The following CD86 variants were observed in gnomAD, a reference collection of about 807,000 sequenced individuals.
The protein encoded by CD86 is T-lymphocyte activation antigen CD86.
In CD86, 11 loss-of-function variants were observed where a neutral mutation model predicts 32.1. The ratio of observed to expected loss-of-function variants is 0.34; its 90% CI spans 0.22 to 0.57. The LOEUF is 0.57. CD86 is among the 20% of genes least tolerant of loss of function. The pLI is 0.86. For missense variants in CD86, 359 were observed against 398.4 expected (o/e 0.90, Z 0.84); for synonymous variants, 137 against 135.3 (o/e 1.01, Z -0.09).
chr3:122,090,844 C>T (rs556206422), intron 1 of CD86, among the ~76,000 whole-genome samples: 2 of 152,264 alleles, frequency 1.3e-5, no homozygotes, highest in East Asian at 3.9e-4. Context: ...AAGTGAATTG[C>T]TCTCAAAGCG....
At chr3:122,068,708 T>C (rs1253113427) in intron 1 of CD86, among the ~76,000 whole-genome samples, 2 of 152,264 alleles carry the variant, frequency 1.3e-5, no homozygotes, top group African/African-American at 2.4e-5. Flanking sequence ...TAGAAATATG[T>C]TACATAGTTA....
chr3:122,119,712 C>G lies in CD86; in HGVS notation c.*178C>G, dbSNP rs960882861. ...TGTAACTCCAGCTCTGCTCCGTATG[C>G]CAAGAGGAGACTTTAATTCTCTTAC... On this transcript the variant is annotated 3_prime_UTR_variant, in exon 7 of 7. Transcript: ENST00000330540. 6 of 564,768 alleles carry G rather than the reference C, an allele frequency of 1.1e-5. No individual in the cohort carries two copies. Among genetic ancestry groups the G allele is most frequent in the Non-Finnish European group, 1.9e-5 (6 of 318,778 alleles). 35.0% of individuals were successfully genotyped at this position (564,768 alleles called of 1,614,324 possible).
chr3:122,055,578 TGC>T, intron 1 of CD86, 75 bp downstream of exon 1: 1 of 1,310,300 alleles, frequency 7.6e-7, no homozygotes. Context: ...TTGAAGATGG[TGC>T]TTTGATGTGT....
intron 5 of CD86, among the ~76,000 whole-genome samples, chr3:122,114,521 G>T (rs1199042108): frequency 6.6e-6 from 1 of 152,116 alleles, no homozygotes; most frequent in Admixed American, 6.5e-5. Context: ...CAGTGTCCAG[G>T]CCCCTCTGAA....
At chr3:122,082,357 G>T (rs2072646595) in intron 1 of CD86, among the ~76,000 whole-genome samples, 1 of 152,186 alleles carries the variant, frequency 6.6e-6, no homozygotes, top group Non-Finnish European at 1.5e-5. Flanking sequence ...CAGACACCCA[G>T]CATATACTTG....
At chr3:122,071,203 A>G (rs1307411369) in intron 1 of CD86, among the ~76,000 whole-genome samples, 2 of 152,172 alleles carry the variant, frequency 1.3e-5, no homozygotes, top group African/African-American at 4.8e-5. Context: ...TGACAAATAC[A>G]CAATGTCATG....
intron 1 of CD86, among the ~76,000 whole-genome samples, chr3:122,082,407 A>G (rs2072647146): frequency 6.6e-6 from 1 of 152,162 alleles, no homozygotes; most frequent in Non-Finnish European, 1.5e-5. Context: ...TAGTCCTTTT[A>G]GTTGTTCTTC....
At chr3:122,111,018 T>A (rs1325830848) in intron 5 of CD86, among the ~76,000 whole-genome samples, 1 of 152,170 alleles carries the variant, frequency 6.6e-6, no homozygotes, top group Non-Finnish European at 1.5e-5. Flanking sequence ...AGGATATGTG[T>A]GTTCACATGA....
chr3:122,082,140 T>C (rs1479907104), intron 1 of CD86, among the ~76,000 whole-genome samples: 1 of 152,236 alleles, frequency 6.6e-6, no homozygotes, highest in African/African-American at 2.4e-5. Context: ...TCTTCTGTGT[T>C]ATCACCCCCA....
At chr3:122,077,524 T>A (rs1361418136) in intron 1 of CD86, among the ~76,000 whole-genome samples, 2 of 124,764 alleles carry the variant, frequency 1.6e-5, no homozygotes, top group Non-Finnish European at 3.7e-5. Flanking sequence ...CTGCCCTCAC[T>A]CATTGAAGGC....
intron 1 of CD86, among the ~76,000 whole-genome samples, chr3:122,074,389 A>G (rs554391676): frequency 6.6e-6 from 1 of 152,330 alleles, no homozygotes; most frequent in Admixed American, 6.5e-5. Flanking sequence ...TGAACCTTTG[A>G]ACTTGTATCT....
intron 1 of CD86, among the ~76,000 whole-genome samples, chr3:122,080,558 T>A (rs1394059920): frequency 2.0e-5 from 3 of 152,204 alleles, no homozygotes. Flanking sequence ...CTTCTAAATC[T>A]GCGAAGACAT....
In CD86 at chr3:122,119,623, C is replaced by T. The variant is rs2073312720; in HGVS notation, c.*89C>T. 1 of 794,176 alleles carries T rather than the reference C, an allele frequency of 1.3e-6. No individual in the cohort carries two copies. Among genetic ancestry groups the T allele is most frequent in the African/African-American group, 1.7e-5 (1 of 57,422 alleles). The allele number at this position is 794,176 out of a possible 1,614,324, so 49.2% of individuals were successfully genotyped here. On this transcript the variant is annotated 3_prime_UTR_variant, in exon 7 of 7. Coordinates refer to ENST00000330540, the MANE Select transcript of CD86 (RefSeq NM_175862.5). ...AACCTTTTTGATTTCTTCCAGAAGG[C>T]AAAAAGACATTACCATGAGTAATAA...
intron 1 of CD86, among the ~76,000 whole-genome samples, chr3:122,078,609 A>T (rs1197494451): frequency 6.6e-6 from 1 of 152,204 alleles, no homozygotes; most frequent in Admixed American, 6.5e-5. Context: ...AGAGACCAAG[A>T]TCTAATTTAA....
Position 122,055,421 on chromosome 3 carries a change from G to C in CD86, c.-69G>C. Reference sequence around the variant, plus strand: ...GCTTTGCTTCTCTGCTGCTGTAACAGGGACTAGCACAGACACACGGATGAG... The same window carrying C: ...GCTTTGCTTCTCTGCTGCTGTAACACGGACTAGCACAGACACACGGATGAG... On this transcript the variant is annotated 5_prime_UTR_variant, in exon 1 of 7. Coordinates refer to ENST00000330540, the MANE Select transcript of CD86 (RefSeq NM_175862.5). 2.0e-6 allele frequency: 3 copies of C among 1,503,302 alleles called. No homozygotes were observed. Among genetic ancestry groups the C allele is most frequent in the Non-Finnish European group, 2.8e-6 (3 of 1,079,724 alleles). 93.1% of individuals were successfully genotyped at this position (1,503,302 alleles called of 1,614,324 possible).
intron 2 of CD86, among the ~76,000 whole-genome samples, chr3:122,098,312 A>C (rs182825506): frequency 3.9e-5 from 6 of 152,320 alleles, no homozygotes; most frequent in African/African-American, 1.4e-4. Context: ...ACCTACATGA[A>C]GTGAAGGAGA....
chr3:122,066,289 G>A (rs1183473790), intron 1 of CD86, among the ~76,000 whole-genome samples: 1 of 152,138 alleles, frequency 6.6e-6, no homozygotes. Flanking sequence ...CTGAGGGTAA[G>A]GAATACGAGA....
rs769868417 is a variant in CD86, at chr3:122,115,740, C to CAAAAAAAAAAA, written c.848-2291_848-2281dup. On this transcript the variant is annotated intron_variant, in intron 5 of 6. Transcript: ENST00000330540. ...GGGCAACAAGAGTGAAACTCCCTCTCAAAAAAAAAAAAAAAAAAAAAAAAA... is the reference window on the plus strand; with the variant it reads ...GGGCAACAAGAGTGAAACTCCCTCTCAAAAAAAAAAAAAAAAAAAAAAAAAAAAAAAAAAAA... Among the ~76,000 whole-genome samples the CAAAAAAAAAAA allele has an allele frequency of 2.9e-4, 8 of 27,542 alleles. 1 individual carries two copies. The highest frequency in any genetic ancestry group is 4.8e-4 in the Non-Finnish European group (7 of 14,492). 18.1% of individuals were successfully genotyped at this position (27,542 alleles called of 152,430 possible).
chr3:122,101,513 A>AAAAAAT (rs1202377219), intron 2 of CD86, among the ~76,000 whole-genome samples: 10 of 46,328 alleles, frequency 2.2e-4, no homozygotes, highest in Admixed American at 5.6e-4. Context: ...AAAAAAAAAA[A>AAAAAAT]ATATATATAT....
Sources: gnomAD v4.1 joint callset for allele counts (sites outside exome capture counted in the v4.1 genomes callset) on GRCh38, gnomAD v4.1.1 for gene constraint, MANE v1.5 for transcripts, NCBI Gene and HGNC (gene_info 2026-07-23, HGNC 2026-07-21) for gene names.